The following GNG4 variants were observed in gnomAD, a reference collection of about 807,000 sequenced individuals.
GNG4 encodes the protein G protein subunit gamma 4, also known as guanine nucleotide-binding protein G(I)/G(S)/G(O) subunit gamma-4.
A neutral mutation model predicts 5.8 loss-of-function variants in GNG4; 4 were observed. The ratio of observed to expected loss-of-function variants is 0.69; its 90% CI spans 0.34 to 1.57. GNG4 has a LOEUF of 1.57. GNG4 is among the 40% of genes most tolerant of loss of function. GNG4 has a pLI of 0.06. For synonymous variants in GNG4, 29 were observed against 32.9 expected (o/e 0.88, Z 0.41); for missense variants, 96 against 95.1 (o/e 1.01, Z -0.04).
At chr1:235,605,958 G>GC (rs1553369928) in intron 1 of GNG4, among the ~76,000 whole-genome samples, 2 of 132,836 alleles carry the variant, frequency 1.5e-5, no homozygotes, top group South Asian at 2.6e-4. Flanking sequence ...GAGAGTGTGG[G>GC]GGGGTGGGTC....
At chr1:235,561,722 T>C (rs771028228) in intron 3 of GNG4, among the ~76,000 whole-genome samples, 3 of 152,228 alleles carry the variant, frequency 2.0e-5, no homozygotes, top group Admixed American at 6.5e-5. Context: ...ACAAGTCTTT[T>C]ATCAGGCATG....
rs1202265309 is a variant in GNG4 at position 235,591,990 on chromosome 1, T to C, written c.-11+3410A>G. On this transcript the variant is annotated intron_variant, in intron 2 of 3. Coordinates refer to ENST00000391854, the MANE Select transcript of GNG4 (RefSeq NM_001098722.2). ...AAGTTAGCCCTGAGAAGTAAATAAG[T>C]GACTTGATAAGCAAGAAGGTAATAG... Among the ~76,000 whole-genome samples the C allele has an allele frequency of 2.0e-5, 3 of 152,256 alleles. No individual in the cohort carries two copies. The East Asian group carries it at 5.8e-4, about 29-fold the overall frequency.
intron 1 of GNG4, among the ~76,000 whole-genome samples, chr1:235,612,089 A>AAAAAAT (rs1688490735): frequency 9.8e-6 from 1 of 102,422 alleles, no homozygotes; most frequent in South Asian, 2.6e-4. Context: ...AAAAAAAAAA[A>AAAAAAT]AAGAGGAGAA....
chr1:235,614,355 T>C (rs913501649), intron 1 of GNG4, among the ~76,000 whole-genome samples: 6 of 152,224 alleles, frequency 3.9e-5, no homozygotes, highest in Admixed American at 1.3e-4. Flanking sequence ...AGCTTTTGGT[T>C]TCATTGACTC....
At chr1:235,609,666 A>T (rs1268235311) in intron 1 of GNG4, among the ~76,000 whole-genome samples, 1 of 152,196 alleles carries the variant, frequency 6.6e-6, no homozygotes, top group Non-Finnish European at 1.5e-5. Flanking sequence ...TAATCCTAGC[A>T]CTTTGAGAGG....
At position 235,576,305 on chromosome 1, in the gene GNG4, G is replaced by T. The variant is rs188871203; in HGVS notation, c.99+7435C>A. Among the ~76,000 whole-genome samples the T allele has an allele frequency of 7.2e-3, 1,094 of 151,818 alleles. 5 individuals carry two copies. The highest frequency in any genetic ancestry group is 0.012 in the Admixed American group (182 of 15,246). ...TCTCGATCTCCTGACCTTGAGATCTGCCTGCCTCTGCCTCCTAAAGTGCTG... is the reference window on the plus strand; with the variant it reads ...TCTCGATCTCCTGACCTTGAGATCTTCCTGCCTCTGCCTCCTAAAGTGCTG... On this transcript the variant is annotated intron_variant, in intron 3 of 3. Coordinates refer to ENST00000391854, the MANE Select transcript of GNG4 (RefSeq NM_001098722.2).
At chr1:235,563,309 G>A (rs1687113997) in intron 3 of GNG4, among the ~76,000 whole-genome samples, 1 of 142,824 alleles carries the variant, frequency 7.0e-6, no homozygotes. Flanking sequence ...TGTAGTCCCA[G>A]CTACTTGGGA....
intron 2 of GNG4, among the ~76,000 whole-genome samples, chr1:235,594,661 G>T (rs912519505): frequency 6.6e-6 from 1 of 152,206 alleles, no homozygotes; most frequent in Non-Finnish European, 1.5e-5. Flanking sequence ...CGGGGCTTGC[G>T]GGCCGGCCGC....
intron 2 of GNG4, among the ~76,000 whole-genome samples, chr1:235,594,280 TA>T (rs1431481021): frequency 2.0e-5 from 3 of 152,168 alleles, no homozygotes; most frequent in African/African-American, 7.2e-5. Context: ...TTGAGCTAGA[TA>T]CAGAGTGCCG....
intron 1 of GNG4, among the ~76,000 whole-genome samples, chr1:235,602,559 C>T (rs1044058866): frequency 6.6e-6 from 1 of 152,146 alleles, no homozygotes; most frequent in Non-Finnish European, 1.5e-5. Flanking sequence ...CTAACCGATA[C>T]AGTATTTCAA....
chr1:235,609,392 C>G (rs1048227339), intron 1 of GNG4, among the ~76,000 whole-genome samples: 2 of 152,140 alleles, frequency 1.3e-5, no homozygotes, highest in African/African-American at 2.4e-5. Flanking sequence ...TCTTCACATC[C>G]TTGCCAACAT....
At chr1:235,646,103 T>C (rs1279681633) in intron 1 of GNG4, among the ~76,000 whole-genome samples, 1 of 152,174 alleles carries the variant, frequency 6.6e-6, no homozygotes, top group East Asian at 1.9e-4. Context: ...AGAGTGCTTC[T>C]TCTATCTCTA....
At chr1:235,614,492 G>C (rs949358280) in intron 1 of GNG4, among the ~76,000 whole-genome samples, 24 of 152,108 alleles carry the variant, frequency 1.6e-4, no homozygotes, top group African/African-American at 5.6e-4. Context: ...TCAGTGATTA[G>C]AGAGACCTTC....
intron 1 of GNG4, among the ~76,000 whole-genome samples, chr1:235,643,308 G>A (rs925123606): frequency 6.6e-6 from 1 of 152,150 alleles, no homozygotes; most frequent in African/African-American, 2.4e-5. Context: ...TTTCTCATTT[G>A]TCTGGCTTGA....
chr1:235,583,006 A>G (rs1295158192), intron 3 of GNG4, among the ~76,000 whole-genome samples: 2 of 152,116 alleles, frequency 1.3e-5, no homozygotes, highest in Non-Finnish European at 2.9e-5. Context: ...TGTTTTTTGA[A>G]TCCCAGATGC....
chr1:235,598,969 C>A (rs1400321006), intron 1 of GNG4, among the ~76,000 whole-genome samples: 1 of 152,096 alleles, frequency 6.6e-6, no homozygotes, highest in African/African-American at 2.4e-5. Context: ...TCAAGTGATC[C>A]GCCTGCCTTG....
intron 1 of GNG4, among the ~76,000 whole-genome samples, chr1:235,626,935 G>A (rs1245995957): frequency 8.2e-6 from 1 of 121,856 alleles, no homozygotes; most frequent in African/African-American, 3.3e-5. Flanking sequence ...CTCCAGCCTG[G>A]GTGACAGAGT....
At chr1:235,587,357 TG>T (rs1241467024) in intron 2 of GNG4, among the ~76,000 whole-genome samples, 1 of 27,926 alleles carries the variant, frequency 3.6e-5, no homozygotes, top group East Asian at 2.8e-3. Context: ...GGGTCAGGGG[TG>T]GGGTGTGTGT....
intron 1 of GNG4, among the ~76,000 whole-genome samples, chr1:235,622,892 T>C (rs867568856): frequency 1.7e-5 from 1 of 59,286 alleles, no homozygotes; most frequent in African/African-American, 1.1e-4. Context: ...AAAAAAAAAA[T>C]AGCCAGGCGT....
Sources: allele counts gnomAD v4.1 joint callset (sites outside exome capture counted in the v4.1 genomes callset), GRCh38; gene constraint gnomAD v4.1.1; transcripts MANE v1.5; gene names NCBI Gene and HGNC (gene_info 2026-07-23, HGNC 2026-07-21).